Variants in SETD5 observed in about 807,000 individuals in gnomAD.
The protein encoded by SETD5 is histone-lysine N-methyltransferase SETD5.
In SETD5, 44 loss-of-function variants were observed where a neutral mutation model predicts 153.3. The observed-to-expected ratio is 0.29, with a 90% CI of 0.23 to 0.37. The LOEUF is 0.37. SETD5 is among the 10% of genes least tolerant of loss of function. The probability of loss-of-function intolerance (pLI) is 1.00; values close to 1 mark genes in which losing one functional copy is unlikely to be tolerated. For synonymous variants in SETD5, 716 were observed against 645.2 expected (o/e 1.11, Z -1.66); for missense variants, 1,544 against 1,768.0 (o/e 0.87, Z 2.27).
chr3:9,445,965 G>GTTTTT (rs376821559), intron 13 of SETD5, among the ~76,000 whole-genome samples: 93 of 86,358 alleles, frequency 1.1e-3, no homozygotes, highest in Non-Finnish European at 1.6e-3. Flanking sequence ...TGAAGAGGTT[G>GTTTTT]TTTTTTTTTT....
intron 2 of SETD5, among the ~76,000 whole-genome samples, chr3:9,426,996 C>T (rs1217002033): frequency 6.6e-6 from 1 of 152,174 alleles, no homozygotes; most frequent in Non-Finnish European, 1.5e-5. Flanking sequence ...GATCCTCCCA[C>T]CTCAGCTCCC....
At chr3:9,416,581 C>T (rs2037506928) in intron 1 of SETD5, among the ~76,000 whole-genome samples, 1 of 152,006 alleles carries the variant, frequency 6.6e-6, no homozygotes. Flanking sequence ...AATTGTAAAA[C>T]CTAAGCATTA....
intron 1 of SETD5, among the ~76,000 whole-genome samples, chr3:9,419,451 A>G (rs1010159504): frequency 1.3e-5 from 2 of 152,186 alleles, no homozygotes; most frequent in African/African-American, 2.4e-5. Flanking sequence ...CTGTGGTCCC[A>G]GCTACTTGGG....
chr3:9,467,447 T>G (rs2044743429), intron 18 of SETD5, among the ~76,000 whole-genome samples: 1 of 151,716 alleles, frequency 6.6e-6, no homozygotes, highest in African/African-American at 2.4e-5. Context: ...AACCCTCCCC[T>G]CCTATTCTTG....
chr3:9,447,046 C>A lies in SETD5; in HGVS notation c.1525-4C>A. On this transcript the variant is annotated splice_polypyrimidine_tract_variant and splice_region_variant and intron_variant, in intron 13 of 22. Coordinates refer to ENST00000402198, the MANE Select transcript of SETD5 (RefSeq NM_001080517.3). ...CCTTCTACACCAGTACTATCTCTTT[C>A]TAGACCAGGGAAGATAGAAAGGTAG... 1.2e-6 allele frequency: 2 copies of A among 1,607,170 alleles called. No individual in the cohort carries two copies. Among genetic ancestry groups the A allele is most frequent in the Non-Finnish European group, 1.7e-6 (2 of 1,176,942 alleles).
chr3:9,411,403 T>C (rs2036551522), intron 1 of SETD5, among the ~76,000 whole-genome samples: 1 of 152,224 alleles, frequency 6.6e-6, no homozygotes, highest in Non-Finnish European at 1.5e-5. Flanking sequence ...TGTTAAATGT[T>C]TTATCCTTCC....
chr3:9,448,252 T>C (rs544305475), intron 15 of SETD5, 136 bp from the exon 16 acceptor site: 1 of 1,347,206 alleles, frequency 7.4e-7, no homozygotes, highest in South Asian at 1.5e-5. Context: ...AAGATATCCT[T>C]GTGTTCTAGT....
intron 3 of SETD5, chr3:9,429,754 G>A (rs1380808499): frequency 1.4e-5 from 14 of 1,020,780 alleles, no homozygotes; most frequent in South Asian, 1.8e-5. Context: ...TAAGTTGTCC[G>A]AGATTCCCCC....
At chr3:9,404,272 C>T (rs1161798189) in intron 1 of SETD5, among the ~76,000 whole-genome samples, 1 of 152,162 alleles carries the variant, frequency 6.6e-6, no homozygotes, top group Admixed American at 6.5e-5. Flanking sequence ...GCCTTTCGTA[C>T]ACGTAATATT....
intron 13 of SETD5, among the ~76,000 whole-genome samples, chr3:9,446,058 T>C (rs538709057): frequency 7.4e-6 from 1 of 135,498 alleles, no homozygotes; most frequent in African/African-American, 2.8e-5. Context: ...GAGGGCGAGG[T>C]GGGCGGATCA....
rs182791017 is a variant in SETD5 at position 9,406,457 on chromosome 3, A to G, written c.-177+8480A>G. ...GGTGGAATGCCTTAAAAAAGAATAA[A>G]TCTGGCCGGGCGCGGTGGCTCACGC... is the stretch of plus-strand genomic sequence containing the variant. On this transcript the variant is annotated intron_variant, in intron 1 of 22. Coordinates refer to ENST00000402198, the MANE Select transcript of SETD5 (RefSeq NM_001080517.3). Among the ~76,000 whole-genome samples, 69 of 148,680 alleles carry G rather than the reference A, an allele frequency of 4.6e-4. 1 individual carries two copies. The highest frequency in any genetic ancestry group is 1.6e-3 in the African/African-American group (65 of 40,194).
chr3:9,400,395 A>C (rs1239424416), intron 1 of SETD5, among the ~76,000 whole-genome samples: 2 of 152,208 alleles, frequency 1.3e-5, no homozygotes, highest in East Asian at 3.8e-4. Flanking sequence ...AAATAACAGG[A>C]ATTTTTTCCT....
chr3:9,464,971 C>T, intron 18 of SETD5: 1 of 415,662 alleles, frequency 2.4e-6, no homozygotes, highest in South Asian at 2.3e-5. Flanking sequence ...CCATCGTTAT[C>T]TTTACTGTAT....
Position 9,475,480 on chromosome 3 carries a change from T to C in SETD5, c.3721-3T>C. 1 of 1,602,878 alleles carries C rather than the reference T, an allele frequency of 6.2e-7. No individual in the cohort carries two copies. The highest frequency in any genetic ancestry group is 8.5e-7 in the Non-Finnish European group (1 of 1,171,546). Reference sequence around the variant, plus strand: ...TTATTCGTTTCCTCCCAACTTTGTCTAGCTCCTGCAGTGTGATAGTCCTCG... The same window carrying C: ...TTATTCGTTTCCTCCCAACTTTGTCCAGCTCCTGCAGTGTGATAGTCCTCG... On this transcript the variant is annotated splice_region_variant and splice_polypyrimidine_tract_variant and intron_variant, in intron 22 of 22. Coordinates refer to ENST00000402198, the MANE Select transcript of SETD5 (RefSeq NM_001080517.3).
At position 9,431,618 on chromosome 3, in the gene SETD5, A is replaced by G. The variant is rs141617620; in HGVS notation, c.72-2227A>G. ...AATTTTATATTTGGCATGCACAGCA[A>G]TATATTAAATGCTGTGCTTAACTAG... On this transcript the variant is annotated intron_variant, in intron 3 of 22. Transcript: ENST00000402198. The G allele has an allele frequency of 1.5e-3, 1,448 of 983,990 alleles. 9 individuals are homozygous for G. Among genetic ancestry groups the G allele is most frequent in the African/African-American group, 0.011 (615 of 57,326 alleles). The allele number at this position is 983,990 out of a possible 1,614,324, so 61.0% of individuals were successfully genotyped here.
At chr3:9,467,110 A>G (rs971704548) in intron 18 of SETD5, among the ~76,000 whole-genome samples, 4 of 149,688 alleles carry the variant, frequency 2.7e-5, no homozygotes, top group African/African-American at 7.4e-5. Context: ...AAGGCAAAGG[A>G]ATTGCTTGAG....
At chr3:9,401,479 C>G (rs1362037946) in intron 1 of SETD5, among the ~76,000 whole-genome samples, 1 of 152,076 alleles carries the variant, frequency 6.6e-6, no homozygotes, top group African/African-American at 2.4e-5. Context: ...TTTTTTATAT[C>G]TTTTGATACT....
At position 9,445,731 on chromosome 3, in the gene SETD5, T is replaced by C. The variant is rs117265865; in HGVS notation, c.1515T>C (p.His505=). Residue 505 remains histidine (H), a synonymous_variant, in exon 13 of 23, where the codon CAT becomes CAC. Transcript: ENST00000402198. ...TAGATGACCAGGAGAACCTAGCTCATAGCAGGAGGGTGAGTACTGTCTGAC... is the reference window on the plus strand; with the variant it reads ...TAGATGACCAGGAGAACCTAGCTCACAGCAGGAGGGTGAGTACTGTCTGAC... ...EVIDDQENLA[H]SRRTREDRKV... The C allele has an allele frequency of 1.5e-3, 2,392 of 1,612,128 alleles. 58 individuals are homozygous for C. The East Asian group carries it at 0.048, about 32-fold the overall frequency.
chr3:9,442,067 A>T, intron 9 of SETD5, 61 bp from the exon 10 acceptor site: 1 of 1,083,976 alleles, frequency 9.2e-7, no homozygotes, highest in Non-Finnish European at 1.4e-6. Flanking sequence ...TCATATTTGG[A>T]GTCATGGGGT....
Sources: allele counts gnomAD v4.1 joint callset (sites outside exome capture counted in the v4.1 genomes callset), GRCh38; gene constraint gnomAD v4.1.1; transcripts MANE v1.5; gene names NCBI Gene and HGNC (gene_info 2026-07-23, HGNC 2026-07-21).